Variants in TUSC3 observed in about 807,000 individuals in gnomAD.
TUSC3 encodes tumor suppressor candidate 3, also known as dolichyl-diphosphooligosaccharide--protein glycosyltransferase subunit TUSC3.
Under a neutral mutation model 44.8 loss-of-function variants are expected in TUSC3, and 45 were observed. The observed-to-expected ratio is 1.00, with a 90% CI of 0.79 to 1.29. The LOEUF is 1.29. Ranked by LOEUF, TUSC3 falls within the 50% of genes most tolerant of loss-of-function variation. The pLI is 0.00. For missense variants in TUSC3, 519 were observed against 437.9 expected (o/e 1.19, Z -1.65); for synonymous variants, 212 against 152.9 (o/e 1.39, Z -2.85).
the TUSC3 span, among the ~76,000 whole-genome samples, chr8:15,775,659 TATAC>T: frequency 3.1e-5 from 4 of 129,916 alleles, no homozygotes; most frequent in East Asian, 8.8e-4. Context: ...TACACACACA[TATAC>T]ATATATACAC....
chr8:15,698,802 A>G (rs1051323191), intron 6 of TUSC3, among the ~76,000 whole-genome samples: 3 of 151,968 alleles, frequency 2.0e-5, no homozygotes, highest in South Asian at 2.1e-4. Context: ...TTGCTTATCA[A>G]TAAGTTAACA....
chr8:15,438,823 T>A (rs1465361045), intron 1 of TUSC3, among the ~76,000 whole-genome samples: 2 of 152,180 alleles, frequency 1.3e-5, no homozygotes, highest in East Asian at 3.9e-4. Context: ...ATTATCCCCA[T>A]CTCAAAGATG....
In TUSC3 at chr8:15,661,897, A is replaced by G. The variant is rs543919099; in HGVS notation, c.568-259A>G. 9.9e-5 allele frequency among the ~76,000 whole-genome samples: 15 copies of G among 152,172 alleles called. No individual in the cohort carries two copies. The South Asian group carries it at 1.9e-3, about 19-fold the overall frequency. ...CTGAATGGGCATTTCTTCATGGAAAATATAAAAATAGCTGATAAGCACATG... is the reference window on the plus strand; with the variant it reads ...CTGAATGGGCATTTCTTCATGGAAAGTATAAAAATAGCTGATAAGCACATG... On this transcript the variant is annotated intron_variant, in intron 4 of 10. Coordinates refer to ENST00000503731, the MANE Select transcript of TUSC3 (RefSeq NM_006765.4).
intron 1 of TUSC3, among the ~76,000 whole-genome samples, chr8:15,547,409 C>G (rs560476176): frequency 6.6e-6 from 1 of 151,616 alleles, no homozygotes; most frequent in South Asian, 2.1e-4. Flanking sequence ...AACTAAAGGT[C>G]ATAAATTGTG....
At chr8:15,758,621 G>T (rs1019061103) in intron 10 of TUSC3, among the ~76,000 whole-genome samples, 2 of 152,034 alleles carry the variant, frequency 1.3e-5, no homozygotes, top group East Asian at 1.9e-4. Flanking sequence ...CCCACTGAAC[G>T]TAGGGAAGGA....
At chr8:15,707,804 G>C (rs1331236106) in intron 6 of TUSC3, among the ~76,000 whole-genome samples, 2 of 151,864 alleles carry the variant, frequency 1.3e-5, no homozygotes, top group African/African-American at 4.8e-5. Flanking sequence ...ACACAAATTT[G>C]TTCTCTCACA....
chr8:15,791,269 G>GC, the TUSC3 span, among the ~76,000 whole-genome samples: 5,668 of 139,242 alleles, frequency 0.041, 318 homozygotes, highest in African/African-American at 0.13. Context: ...GCCTCTTAGC[G>GC]CCCCCCCCAA....
At chr8:15,447,476 G>T (rs1800121935) in intron 1 of TUSC3, among the ~76,000 whole-genome samples, 1 of 152,004 alleles carries the variant, frequency 6.6e-6, no homozygotes, top group South Asian at 2.1e-4. Flanking sequence ...AAGTTTCCTA[G>T]GAAGAAATTT....
chr8:15,495,340 G>A (rs1800867566), intron 2 of TUSC3, among the ~76,000 whole-genome samples: 2 of 152,294 alleles, frequency 1.3e-5, no homozygotes, highest in South Asian at 4.1e-4. Context: ...ACCTGACAAA[G>A]AACCCAATGT....
chr8:15,459,779 G>C (rs78011056), intron 1 of TUSC3, among the ~76,000 whole-genome samples: 1 of 151,766 alleles, frequency 6.6e-6, no homozygotes, highest in Non-Finnish European at 1.5e-5. Context: ...TCTCATCCCG[G>C]TCAATGCGAG....
chr8:15,700,320 G>C (rs561760852), intron 6 of TUSC3, among the ~76,000 whole-genome samples: 50 of 151,158 alleles, frequency 3.3e-4, no homozygotes, highest in Admixed American at 6.6e-4. Flanking sequence ...CAGTATTCTG[G>C]GCTGAATTCC....
At chr8:15,529,875 G>A (rs978175464) in intron 2 of TUSC3, among the ~76,000 whole-genome samples, 1 of 97,798 alleles carries the variant, frequency 1.0e-5, no homozygotes, top group African/African-American at 4.4e-5. Flanking sequence ...TCGGCTCACT[G>A]CAAGCTCCGC....
chr8:15,809,344 T>G, the TUSC3 span, among the ~76,000 whole-genome samples: 2 of 152,228 alleles, frequency 1.3e-5, no homozygotes, highest in African/African-American at 2.4e-5. Context: ...ACATGATTGC[T>G]GTTTTTGTGT....
At chr8:15,461,155 C>T (rs56367442) in intron 1 of TUSC3, among the ~76,000 whole-genome samples, 5,498 of 152,178 alleles carry the variant, frequency 0.036, 190 homozygotes, top group Middle Eastern at 0.099. Flanking sequence ...TCTACCCATC[C>T]GTGAGCATGG....
chr8:15,508,431 T>C (rs1039161416), intron 2 of TUSC3, among the ~76,000 whole-genome samples: 1 of 149,002 alleles, frequency 6.7e-6, no homozygotes, highest in Non-Finnish European at 1.5e-5. Flanking sequence ...TAGGTAACTT[T>C]GAGGTAGTTT....
the TUSC3 span, among the ~76,000 whole-genome samples, chr8:15,785,249 A>G: frequency 1.3e-5 from 2 of 151,954 alleles, no homozygotes. Flanking sequence ...TGTTACCTAT[A>G]TAGAAAGAAA....
intron 1 of TUSC3, among the ~76,000 whole-genome samples, chr8:15,449,683 C>G (rs1002201128): frequency 1.3e-5 from 2 of 152,126 alleles, no homozygotes; most frequent in African/African-American, 2.4e-5. Context: ...TCTGGTGTCC[C>G]TTTGATCGCA....
chr8:15,825,584 C>G, the TUSC3 span, among the ~76,000 whole-genome samples: 1 of 152,022 alleles, frequency 6.6e-6, no homozygotes, highest in Non-Finnish European at 1.5e-5. Context: ...AGACTGGCAA[C>G]AAGATGCTGA....
chr8:15,707,091 G>A (rs978951951), intron 6 of TUSC3, among the ~76,000 whole-genome samples: 11 of 151,908 alleles, frequency 7.2e-5, no homozygotes, highest in Non-Finnish European at 1.3e-4. Flanking sequence ...ATCACCATGG[G>A]TTAGTAGTTT....
Sources: gnomAD v4.1 joint callset for allele counts (sites outside exome capture counted in the v4.1 genomes callset) on GRCh38, gnomAD v4.1.1 for gene constraint, MANE v1.5 for transcripts, NCBI Gene and HGNC (gene_info 2026-07-23, HGNC 2026-07-21) for gene names.